LRRCC1: variants seen among roughly 807,000 people sequenced by gnomAD.
LRRCC1 encodes the protein leucine-rich repeat and coiled-coil domain-containing protein 1.
A neutral mutation model predicts 126.0 loss-of-function variants in LRRCC1; 115 were observed. The observed-to-expected ratio is 0.91, with a 90% CI of 0.78 to 1.07. The LOEUF (loss-of-function observed/expected upper bound fraction) is 1.07. LRRCC1 is among the 50% of genes least tolerant of loss of function. LRRCC1 has a pLI of 0.00. For missense variants in LRRCC1, 1,172 were observed against 1,175.7 expected (o/e 1.00, Z 0.05); for synonymous variants, 400 against 393.4 (o/e 1.02, Z -0.20).
chr8:85,107,642 C>G (rs927691580), intron 1 of LRRCC1: 1 of 383,094 alleles, frequency 2.6e-6, no homozygotes, highest in African/African-American at 2.1e-5. Context: ...TCTGCTTAGC[C>G]TAGAAACTGC....
Position 85,129,957 on chromosome 8 carries a change from T to C in LRRCC1, c.1665T>C (p.Ala555=), listed in dbSNP as rs1325741939. 2 of 1,596,048 alleles carry C rather than the reference T, an allele frequency of 1.3e-6. No individual in the cohort carries two copies. Among genetic ancestry groups the C allele is most frequent in the Admixed American group, 1.8e-5 (1 of 55,812 alleles). The change falls in exon 11 of 19, where the codon GCT becomes GCC. Residue 555 remains alanine, a synonymous_variant. Coordinates refer to ENST00000360375, the MANE Select transcript of LRRCC1 (RefSeq NM_033402.5). ...AAGAGGTGGAACTCAAAGCTTCAGCTGCCGATAGAGAAATATACTTACTTA... is the reference window on the plus strand; with the variant it reads ...AAGAGGTGGAACTCAAAGCTTCAGCCGCCGATAGAGAAATATACTTACTTA... The part of the protein sequence containing the change: ...LIQEVELKAS[A]ADREIYLLRT...
chr8:85,107,804 A>G lies in LRRCC1; in HGVS notation c.104+405A>G, dbSNP rs191082375. On this transcript the variant is annotated intron_variant, in intron 1 of 18. Coordinates refer to ENST00000360375, the MANE Select transcript of LRRCC1 (RefSeq NM_033402.5). ...GTTCTTACCTCTGAAAAAAACCTGC[A>G]GGATAGTATCTCTGGCAGCTATGAG... 543 of 157,574 alleles carry G rather than the reference A, an allele frequency of 3.4e-3. 2 individuals carry two copies. Among genetic ancestry groups the G allele is most frequent in the Admixed American group, 5.8e-3 (91 of 15,622 alleles). 9.8% of individuals were successfully genotyped at this position (157,574 alleles called of 1,614,324 possible). A position where few individuals can be genotyped will look rare whatever the true frequency, so the allele number is the denominator to read the frequency against.
intron 6 of LRRCC1, among the ~76,000 whole-genome samples, chr8:85,118,719 TG>T (rs1195777735): frequency 6.6e-6 from 1 of 152,188 alleles, no homozygotes; most frequent in African/African-American, 2.4e-5. Context: ...TAAATTGGGT[TG>T]TTTATCCAGG....
chr8:85,118,189 A>G (rs1292989109), intron 6 of LRRCC1, among the ~76,000 whole-genome samples: 3 of 151,964 alleles, frequency 2.0e-5, no homozygotes, highest in Admixed American at 6.6e-5. Context: ...AAATTAATCC[A>G]TGCTATTATG....
intron 3 of LRRCC1, 64 bp downstream of exon 3, chr8:85,110,244 C>T: frequency 1.5e-6 from 1 of 653,990 alleles, no homozygotes; most frequent in Non-Finnish European, 2.5e-6. Flanking sequence ...AAGTTAACAG[C>T]TCAGCTAAAC....
intron 6 of LRRCC1, among the ~76,000 whole-genome samples, chr8:85,117,417 T>G (rs1249293094): frequency 2.0e-5 from 3 of 152,192 alleles, no homozygotes; most frequent in African/African-American, 7.2e-5. Flanking sequence ...AGAAAATGAC[T>G]TCTTGTTCAC....
intron 3 of LRRCC1, among the ~76,000 whole-genome samples, chr8:85,112,079 C>A (rs1458151399): frequency 6.6e-6 from 1 of 151,946 alleles, no homozygotes; most frequent in Non-Finnish European, 1.5e-5. Flanking sequence ...CCAGGCTGGT[C>A]TTGAACTCCT....
Position 85,137,548 on chromosome 8 carries a change from A to G in LRRCC1, c.2414A>G (p.Asn805Ser), listed in dbSNP as rs934562318. The part of the protein sequence containing the change: ...SRENECLRKT[N>S]ESDSDALRIK... Reference sequence around the variant, plus strand: ...GAGAATGAATGTCTGCGAAAGACAAATGAAAGTGATAGTGATGCATTAAGA... The same window carrying G: ...GAGAATGAATGTCTGCGAAAGACAAGTGAAAGTGATAGTGATGCATTAAGA... The change falls in exon 15 of 19, where the codon AAT (asparagine) becomes AGT (serine). Residue 805 changes from asparagine to serine, a missense_variant. By Grantham distance (46) the Asn-to-Ser change is conservative (BLOSUM62 1). Coordinates refer to ENST00000360375, the MANE Select transcript of LRRCC1 (RefSeq NM_033402.5). 6.4e-7 allele frequency: 1 copy of G among 1,563,696 alleles called. No homozygotes were observed. Among genetic ancestry groups the G allele is most frequent in the Non-Finnish European group, 8.6e-7 (1 of 1,159,838 alleles).
intron 6 of LRRCC1, among the ~76,000 whole-genome samples, chr8:85,119,788 G>A (rs1383528862): frequency 6.6e-6 from 1 of 152,006 alleles, no homozygotes; most frequent in African/African-American, 2.4e-5. Flanking sequence ...ATGAGGCACG[G>A]CCCCCAGCTG....
At position 85,138,244 on chromosome 8, in the gene LRRCC1, G is replaced by A. The variant is rs770914748; in HGVS notation, c.2702+1G>A. 3.1e-6 allele frequency: 5 copies of A among 1,596,244 alleles called. No homozygotes were observed. The highest frequency in any genetic ancestry group is 8.5e-7 in the Non-Finnish European group (1 of 1,170,550). ...TTGAAGAAATCAGAAAAGCTTACAG[G>A]TATTATATAGTACAGTATTTCCCAC... On this transcript the variant is annotated splice_donor_variant, in intron 16 of 18. Transcript: ENST00000360375. LOFTEE classifies it high-confidence loss of function.
chr8:85,109,663 T>A lies in LRRCC1; in HGVS notation c.173T>A (p.Ile58Asn). The A allele has an allele frequency of 6.2e-7, 1 of 1,611,706 alleles. No homozygotes were observed. Among genetic ancestry groups the A allele is most frequent in the Non-Finnish European group, 8.5e-7 (1 of 1,178,182 alleles). The change falls in exon 2 of 19, where the codon ATC (isoleucine) becomes AAC (asparagine). Residue 58 changes from isoleucine to asparagine, a missense_variant. Ile to Asn is a moderately radical substitution (Grantham distance 149). Transcript: ENST00000360375. ...VNLHCNNISK[I>N]EAIDHIWNLQ... ...CTTCATTGCAATAACATCTCCAAGA[T>A]CGAAGCCATTGATCATATTTGGAAT...
At chr8:85,115,297 T>C (rs751689203) in intron 5 of LRRCC1, 22 bp downstream of exon 5, 5 of 1,567,936 alleles carry the variant, frequency 3.2e-6, no homozygotes, top group Non-Finnish European at 3.5e-6. Flanking sequence ...ACTTTTTTTT[T>C]CCTAATATAA....
At chr8:85,144,751 A>G (rs1811542958) in intron 18 of LRRCC1, among the ~76,000 whole-genome samples, 2 of 136,566 alleles carry the variant, frequency 1.5e-5, no homozygotes, top group South Asian at 5.6e-4. Context: ...GGTGTGAGCC[A>G]CCACACCCGG....
Position 85,116,549 on chromosome 8 carries a change from T to A in LRRCC1, c.930+965T>A, listed in dbSNP as rs574781491. Among the ~76,000 whole-genome samples the A allele has an allele frequency of 9.2e-5, 14 of 152,028 alleles. No individual in the cohort carries two copies. In the East Asian group the frequency reaches 2.7e-3, roughly 29 times the overall value. On this transcript the variant is annotated intron_variant, in intron 6 of 18. Transcript: ENST00000360375. ...CACTGTGCCTAGCTAATTTTTAAAT[T>A]CTTTGTGTGGAGACTGGGTCTCGCT...
chr8:85,142,698 C>T (rs915027019), intron 18 of LRRCC1, among the ~76,000 whole-genome samples: 7 of 151,904 alleles, frequency 4.6e-5, no homozygotes, highest in Non-Finnish European at 5.9e-5. Context: ...GGTGTGGTGG[C>T]GCATGCCTGT....
chr8:85,108,125 C>T (rs1286692746), intron 1 of LRRCC1, among the ~76,000 whole-genome samples: 1 of 152,220 alleles, frequency 6.6e-6, no homozygotes, highest in Admixed American at 6.5e-5. Flanking sequence ...GAGCTACAGG[C>T]AATTCCATAG....
At position 85,128,427 on chromosome 8, in the gene LRRCC1, A is replaced by AC. The variant is rs1356483958; in HGVS notation, c.1422-740dup. On this transcript the variant is annotated intron_variant, in intron 9 of 18. Coordinates refer to ENST00000360375, the MANE Select transcript of LRRCC1 (RefSeq NM_033402.5). The stretch of plus-strand genomic sequence containing the variant: ...CTTCTTTTATCTGTGCCACCCCCCC[A>AC]CCCCCCCCACCACCACATGTTTGTT... Among the ~76,000 whole-genome samples, 91 of 27,568 alleles carry AC rather than the reference A, an allele frequency of 3.3e-3. 1 individual carries two copies. The highest frequency in any genetic ancestry group is 0.028 in the Middle Eastern group (1 of 36). The allele number at this position is 27,568 out of a possible 152,430, so 18.1% of individuals were successfully genotyped here. A position where few individuals can be genotyped will look rare whatever the true frequency, so the allele number is the denominator to read the frequency against.
In LRRCC1 at chr8:85,124,907, G is replaced by T. The variant is rs775350015; in HGVS notation, c.1240G>T (p.Asp414Tyr). 2.7e-5 allele frequency: 43 copies of T among 1,605,632 alleles called. No homozygotes were observed. Among genetic ancestry groups the T allele is most frequent in the Non-Finnish European group, 3.5e-5 (41 of 1,176,634 alleles). Residue 414 changes from aspartate to tyrosine, a missense_variant, in exon 8 of 19, where the codon GAC becomes TAC. Asp to Tyr is a radical substitution (Grantham distance 160, BLOSUM62 -3). Coordinates refer to ENST00000360375, the MANE Select transcript of LRRCC1 (RefSeq NM_033402.5). ...GCCAAAGACTGAAATAATTAAAGTA[G>T]ACCAAAGTCACTCAGAAGACAACAC... ...EKPKTEIIKV[D>Y]QSHSEDNTYQ...
In LRRCC1 at chr8:85,130,187, G is replaced by A. The variant is rs1810350126; in HGVS notation, c.1766+129G>A. 4 of 592,492 alleles carry A rather than the reference G, an allele frequency of 6.8e-6. No individual in the cohort carries two copies. The East Asian group carries it at 1.1e-4, about 16-fold the overall frequency. The allele number at this position is 592,492 out of a possible 1,614,324, so 36.7% of individuals were successfully genotyped here. The stretch of plus-strand genomic sequence containing the variant: ...GTCTTGCTCTGTCGTCCAGGCTGGA[G>A]TGCAATGGCGCAATCTCGGCTCACT... On this transcript the variant is annotated intron_variant, in intron 11 of 18. Transcript: ENST00000360375.
Sources: allele counts gnomAD v4.1 joint callset (sites outside exome capture counted in the v4.1 genomes callset), GRCh38; gene constraint gnomAD v4.1.1; transcripts MANE v1.5; gene names NCBI Gene and HGNC (gene_info 2026-07-23, HGNC 2026-07-21).